The following SLC9A9 variants were observed in gnomAD, a reference collection of about 807,000 sequenced individuals.
The protein encoded by SLC9A9 is solute carrier family 9 member A9.
In SLC9A9, 62 loss-of-function variants were observed where a neutral mutation model predicts 77.8. The observed-to-expected ratio is 0.80, with a 90% CI of 0.65 to 0.98. SLC9A9 has a LOEUF of 0.98. SLC9A9 is among the 50% of genes least tolerant of loss of function. SLC9A9 has a pLI of 0.00. For missense variants in SLC9A9, 775 were observed against 774.9 expected (o/e 1.00, Z 0.00); for synonymous variants, 320 against 283.5 (o/e 1.13, Z -1.29).
chr3:143,749,838 G>A (rs901379384), intron 4 of SLC9A9, among the ~76,000 whole-genome samples: 5 of 152,170 alleles, frequency 3.3e-5, no homozygotes, highest in South Asian at 4.1e-4. Context: ...TTTGAGAACT[G>A]CGGGCTAGAC....
At chr3:143,482,414 G>A (rs929244607) in intron 11 of SLC9A9, among the ~76,000 whole-genome samples, 5 of 152,166 alleles carry the variant, frequency 3.3e-5, no homozygotes, top group African/African-American at 1.2e-4. Flanking sequence ...AAAACTTCTC[G>A]TAGTTTTTGT....
At chr3:143,588,816 C>G (rs2037599311) in intron 6 of SLC9A9, among the ~76,000 whole-genome samples, 1 of 152,094 alleles carries the variant, frequency 6.6e-6, no homozygotes, top group Non-Finnish European at 1.5e-5. Flanking sequence ...GAATTTGAAT[C>G]CCACTACTGT....
intron 12 of SLC9A9, among the ~76,000 whole-genome samples, chr3:143,422,515 C>G (rs77521472): frequency 0.072 from 10,976 of 152,154 alleles, 505 homozygotes; most frequent in South Asian, 0.12. Context: ...CCAAATACAT[C>G]TTCTTGCTTA....
At chr3:143,431,570 C>G (rs1472696509) in intron 12 of SLC9A9, among the ~76,000 whole-genome samples, 1 of 151,572 alleles carries the variant, frequency 6.6e-6, no homozygotes. Context: ...GCAAGCTCCG[C>G]CTCCCAGGTT....
At chr3:143,509,224 A>G (rs564119314) in intron 9 of SLC9A9, among the ~76,000 whole-genome samples, 2 of 152,280 alleles carry the variant, frequency 1.3e-5, no homozygotes, top group Admixed American at 1.3e-4. Context: ...AAAATATATG[A>G]CATTTGGATA....
intron 5 of SLC9A9, among the ~76,000 whole-genome samples, chr3:143,673,992 T>C (rs549187334): frequency 2.9e-4 from 44 of 152,294 alleles, no homozygotes; most frequent in African/African-American, 1.1e-3. Flanking sequence ...AATTTTATGT[T>C]CAGGAATAAA....
chr3:143,805,582 G>A (rs2008688630), intron 2 of SLC9A9, among the ~76,000 whole-genome samples: 1 of 152,094 alleles, frequency 6.6e-6, no homozygotes, highest in African/African-American at 2.4e-5. Context: ...AGTGAAAATG[G>A]CTGGTTCCTG....
intron 4 of SLC9A9, among the ~76,000 whole-genome samples, chr3:143,732,420 A>G (rs569609708): frequency 4.3e-4 from 66 of 152,280 alleles, no homozygotes; most frequent in African/African-American, 1.5e-3. Context: ...CTTTCCTCAC[A>G]TGTCAGAGAT....
intron 6 of SLC9A9, among the ~76,000 whole-genome samples, chr3:143,643,130 G>A (rs993488694): frequency 6.6e-6 from 1 of 152,016 alleles, no homozygotes; most frequent in African/African-American, 2.4e-5. Context: ...AAAAGATTCT[G>A]TTTTTTAAGT....
At chr3:143,470,047 C>T (rs1014048691) in intron 11 of SLC9A9, among the ~76,000 whole-genome samples, 3 of 152,112 alleles carry the variant, frequency 2.0e-5, no homozygotes, top group South Asian at 2.1e-4. Context: ...CCAGGAAATA[C>T]AAATGGGATC....
intron 5 of SLC9A9, among the ~76,000 whole-genome samples, chr3:143,663,980 C>T (rs1189388883): frequency 4.6e-5 from 7 of 151,992 alleles, no homozygotes; most frequent in South Asian, 4.2e-4. Context: ...ATACAGAGAA[C>T]GCCACAAAGA....
chr3:143,732,018 C>T (rs1456865421), intron 4 of SLC9A9, among the ~76,000 whole-genome samples: 1 of 152,194 alleles, frequency 6.6e-6, no homozygotes, highest in African/African-American at 2.4e-5. Flanking sequence ...AGCACATGAA[C>T]TGCCCAACTG....
At chr3:143,701,942 T>C (rs552752541) in intron 4 of SLC9A9, among the ~76,000 whole-genome samples, 27 of 152,088 alleles carry the variant, frequency 1.8e-4, no homozygotes, top group Non-Finnish European at 3.2e-4. Flanking sequence ...TAACATACAA[T>C]AGGGCTCCAA....
At chr3:143,348,677 G>T (rs1449370430) in intron 14 of SLC9A9, among the ~76,000 whole-genome samples, 7 of 152,082 alleles carry the variant, frequency 4.6e-5, no homozygotes, top group Non-Finnish European at 1.0e-4. Flanking sequence ...CACTTCCATT[G>T]TGCAATATAG....
At chr3:143,594,590 C>A (rs559118166) in intron 6 of SLC9A9, among the ~76,000 whole-genome samples, 1 of 152,218 alleles carries the variant, frequency 6.6e-6, no homozygotes, top group South Asian at 2.1e-4. Flanking sequence ...ACCCAGAGAA[C>A]TGTATGTTGG....
intron 11 of SLC9A9, among the ~76,000 whole-genome samples, chr3:143,481,899 C>A (rs1255203050): frequency 1.3e-5 from 2 of 152,116 alleles, no homozygotes; most frequent in Non-Finnish European, 1.5e-5. Context: ...GAAACAATGA[C>A]CTTGGTTCTT....
At chr3:143,818,429 C>A (rs1576749604) in intron 2 of SLC9A9, among the ~76,000 whole-genome samples, 1 of 152,100 alleles carries the variant, frequency 6.6e-6, no homozygotes. Flanking sequence ...ACCTCAGCCT[C>A]CTGAGTAGCT....
chr3:143,592,642 G>A (rs1576597228), intron 6 of SLC9A9, among the ~76,000 whole-genome samples: 1 of 152,218 alleles, frequency 6.6e-6, no homozygotes, highest in Non-Finnish European at 1.5e-5. Context: ...GAGTTGGGAA[G>A]TGTAGTGGGT....
intron 12 of SLC9A9, among the ~76,000 whole-genome samples, chr3:143,439,883 C>A (rs1001961779): frequency 6.6e-6 from 1 of 152,110 alleles, no homozygotes; most frequent in African/African-American, 2.4e-5. Context: ...GCAGAGGTGG[C>A]CCTTCTAAAG....
Sources: gnomAD v4.1 joint callset for allele counts (sites outside exome capture counted in the v4.1 genomes callset) on GRCh38, gnomAD v4.1.1 for gene constraint, MANE v1.5 for transcripts, NCBI Gene and HGNC (gene_info 2026-07-23, HGNC 2026-07-21) for gene names.